TF: variants seen among roughly 807,000 people sequenced by gnomAD.
TF encodes transferrin.
In TF, 55 loss-of-function variants were observed where a neutral mutation model predicts 82.4. The observed-to-expected ratio is 0.67, with a 90% CI of 0.54 to 0.84. The LOEUF is 0.84. Ranked by LOEUF, TF falls within the 40% of genes least tolerant of loss-of-function variation. The pLI, the probability that TF is intolerant of heterozygous loss-of-function variation, is 0.00. For synonymous variants in TF, 332 were observed against 332.6 expected (o/e 1.00, Z 0.02); for missense variants, 737 against 868.4 (o/e 0.85, Z 1.90).
chr3:133,772,777 G>A (rs544781333), intron 14 of TF: 2 of 152,236 alleles, frequency 1.3e-5, no homozygotes, highest in South Asian at 2.1e-4. Context: ...AAGAGCCAAA[G>A]TAATTTTGAT....
At chr3:133,775,326 C>A in intron 14 of TF, 107 bp from the exon 15 acceptor site, 1 of 1,168,296 alleles carries the variant, frequency 8.6e-7, no homozygotes, top group Non-Finnish European at 1.3e-6. Flanking sequence ...GGCACTTCTG[C>A]TGGCGAGAAG....
intron 4 of TF, 148 bp downstream of exon 4, chr3:133,754,819 G>A: frequency 1.1e-6 from 1 of 908,718 alleles, no homozygotes; most frequent in South Asian, 1.3e-5. Context: ...TGGCAGGTCT[G>A]CTGCACCAGC....
rs1934483261 is a variant in TF at position 133,779,976 on chromosome 3, C to T, written c.*1356C>T. 1 of 152,210 alleles carries T rather than the reference C, an allele frequency of 6.6e-6. No individual in the cohort carries two copies. Among genetic ancestry groups the T allele is most frequent in the Non-Finnish European group, 1.5e-5 (1 of 68,056 alleles). 9.4% of individuals were successfully genotyped at this position (152,210 alleles called of 1,614,324 possible). ...TTCCCTCACACTACATCCAGCGTCA[C>T]CAAGTTCTGTTGATTTTGCTTTCTA... On this transcript the variant is annotated 3_prime_UTR_variant, in exon 17 of 17. Transcript: ENST00000402696.
the TF span, among the ~76,000 whole-genome samples, chr3:133,669,645 C>G: frequency 1.3e-5 from 2 of 152,202 alleles, no homozygotes; most frequent in African/African-American, 4.8e-5. Flanking sequence ...ACAGAGCAAT[C>G]TTGGAAGCCA....
chr3:133,765,869 T>A (rs556138790), intron 11 of TF, among the ~76,000 whole-genome samples: 1,999 of 152,290 alleles, frequency 0.013, 53 homozygotes, highest in African/African-American at 0.045. Flanking sequence ...TTTGGCTCAG[T>A]TTTTTCTCTT....
At chr3:133,759,400 G>C in intron 9 of TF, 71 bp downstream of exon 9, 1 of 1,590,954 alleles carries the variant, frequency 6.3e-7, no homozygotes, top group Non-Finnish European at 8.6e-7. Flanking sequence ...GACTGAGCTA[G>C]GGAGTGTTCC....
At chr3:133,667,957 C>T in the TF span, among the ~76,000 whole-genome samples, 1 of 152,222 alleles carries the variant, frequency 6.6e-6, no homozygotes, top group African/African-American at 2.4e-5. Flanking sequence ...AATAGAGTAT[C>T]CTACAACTCG....
the TF span, among the ~76,000 whole-genome samples, chr3:133,733,882 C>A: frequency 6.9e-6 from 1 of 145,560 alleles, no homozygotes; most frequent in East Asian, 2.0e-4. Context: ...AAAAAAAAAA[C>A]ATGTATTTAT....
the TF span, chr3:133,699,662 C>T: frequency 8.2e-6 from 4 of 490,042 alleles, no homozygotes; most frequent in Admixed American, 4.2e-5. Flanking sequence ...GCTTAGTGCT[C>T]CCTGCTTGGA....
chr3:133,786,835 C>T lies in TF; in HGVS notation c.*8215C>T, dbSNP rs1934699186. On this transcript the variant is annotated 3_prime_UTR_variant, in exon 17 of 17. Coordinates refer to ENST00000402696, the MANE Select transcript of TF (RefSeq NM_001063.4). The stretch of plus-strand genomic sequence containing the variant: ...TATAGTGGACGAATTAACTTCTTAC[C>T]TGAAACATCTTATCTATGTAGATGT... 1 of 152,186 alleles carries T rather than the reference C, an allele frequency of 6.6e-6. No individual in the cohort carries two copies. The highest frequency in any genetic ancestry group is 1.5e-5 in the Non-Finnish European group (1 of 68,036). 9.4% of individuals were successfully genotyped at this position (152,186 alleles called of 1,614,324 possible). A position where few individuals can be genotyped will look rare whatever the true frequency, so the allele number is the denominator to read the frequency against.
chr3:133,755,636 C>A (rs1426110003), intron 5 of TF, 141 bp downstream of exon 5: 3 of 1,201,846 alleles, frequency 2.5e-6, no homozygotes, highest in African/African-American at 3.0e-5. Context: ...GAGTCAGAAG[C>A]ACAACCTGGG....
At position 133,783,317 on chromosome 3, in the gene TF, C is replaced by T. The variant is rs946900262; in HGVS notation, c.*4697C>T. On this transcript the variant is annotated 3_prime_UTR_variant, in exon 17 of 17. Coordinates refer to ENST00000402696, the MANE Select transcript of TF (RefSeq NM_001063.4). ...ATTAAATGCAAATGAGAATTTATTA[C>T]ATGATAAAGCTGGCATTATACTCGG... 4 of 152,078 alleles carry T rather than the reference C, an allele frequency of 2.6e-5. No homozygotes were observed. Among genetic ancestry groups the T allele is most frequent in the Admixed American group, 2.6e-4 (4 of 15,282 alleles). 9.4% of individuals were successfully genotyped at this position (152,078 alleles called of 1,614,324 possible). A position where few individuals can be genotyped will look rare whatever the true frequency, so the allele number is the denominator to read the frequency against.
At chr3:133,682,227 A>T in the TF span, among the ~76,000 whole-genome samples, 1 of 152,226 alleles carries the variant, frequency 6.6e-6, no homozygotes, top group South Asian at 2.1e-4. Flanking sequence ...GACCAAAGGT[A>T]GATAAAACCA....
In TF at chr3:133,789,867, G is replaced by A. The variant is rs375171613; in HGVS notation, c.*11247G>A. The A allele has an allele frequency of 1.8e-4, 23 of 128,712 alleles. 1 individual carries two copies. The highest frequency in any genetic ancestry group is 4.4e-4 in the East Asian group (2 of 4,554). 8.0% of individuals were successfully genotyped at this position (128,712 alleles called of 1,614,324 possible). ...ACTATAAACCCAGCCAAAACAAAAC[G>A]ATCTCGTTTGCGTTTTTTTTTTTTT... On this transcript the variant is annotated 3_prime_UTR_variant, in exon 17 of 17. Transcript: ENST00000402696.
At chr3:133,756,431 C>A in intron 6 of TF, 94 bp downstream of exon 6, 2 of 1,351,142 alleles carry the variant, frequency 1.5e-6, no homozygotes, top group Non-Finnish European at 2.1e-6. Context: ...TGGAAATGAG[C>A]ATACTGTATT....
At chr3:133,764,661 A>G (rs1332851621) in intron 10 of TF, among the ~76,000 whole-genome samples, 1 of 152,198 alleles carries the variant, frequency 6.6e-6, no homozygotes, top group Non-Finnish European at 1.5e-5. Context: ...AGAGCAGGAA[A>G]CTTGACATTC....
the TF span, chr3:133,700,975 T>C: frequency 6.6e-6 from 1 of 152,670 alleles, no homozygotes; most frequent in Admixed American, 6.5e-5. Flanking sequence ...CCATGGGTTT[T>C]TAATGGTCCC....
At chr3:133,725,512 C>T in the TF span, among the ~76,000 whole-genome samples, 2,042 of 152,294 alleles carry the variant, frequency 0.013, 43 homozygotes, top group African/African-American at 0.045. Context: ...ATTTTACATC[C>T]TGAGACTTTG....
At position 133,793,129 on chromosome 3, in the gene TF, A is replaced by G. The variant is rs931480397; in HGVS notation, c.*14509A>G. The stretch of plus-strand genomic sequence containing the variant: ...TTTCATGCAGTATTAAAAGATAATG[A>G]AAGATCTTTGTTTGCCTTTTGAATA... On this transcript the variant is annotated 3_prime_UTR_variant, in exon 17 of 17. Transcript: ENST00000402696. The G allele has an allele frequency of 1.3e-5, 2 of 152,128 alleles. No homozygotes were observed. The highest frequency in any genetic ancestry group is 2.4e-5 in the African/African-American group (1 of 41,442). The allele number at this position is 152,128 out of a possible 1,614,324, so 9.4% of individuals were successfully genotyped here. A position where few individuals can be genotyped will look rare whatever the true frequency, so the allele number is the denominator to read the frequency against.
Sources: allele counts gnomAD v4.1 joint callset (sites outside exome capture counted in the v4.1 genomes callset), GRCh38; gene constraint gnomAD v4.1.1; transcripts MANE v1.5; gene names NCBI Gene and HGNC (gene_info 2026-07-23, HGNC 2026-07-21).